Variants in HIPK4 observed in about 807,000 individuals in gnomAD.
The protein encoded by HIPK4 is homeodomain interacting protein kinase 4, also known as homeodomain-interacting protein kinase 4.
Under a neutral mutation model 44.8 loss-of-function variants are expected in HIPK4, and 26 were observed. The ratio of observed to expected loss-of-function variants is 0.58; its 90% CI spans 0.43 to 0.80. The LOEUF is 0.80. Among genes scored for constraint, HIPK4 ranks in the 30% least tolerant of loss-of-function variants. HIPK4 has a pLI of 0.00. For missense variants in HIPK4, 729 were observed against 862.6 expected (o/e 0.85, Z 1.94); for synonymous variants, 340 against 355.5 (o/e 0.96, Z 0.49).
At position 40,389,468 on chromosome 19, in the gene HIPK4, C is replaced by T; in HGVS notation, c.435G>A (p.Val145=). 4 of 1,600,222 alleles carry T rather than the reference C, an allele frequency of 2.5e-6. No individual in the cohort carries two copies. Among genetic ancestry groups the T allele is most frequent in the South Asian group, 1.1e-5 (1 of 89,336 alleles). ...CCCTGAAGGGGCAGCGGGTCTGGTC[C>T]ACCAGCATGATGTTCTCAGGCTTGA... ...ADLKPENIML[V]DQTRCPFRVK... is the part of the protein sequence containing the mutation. The change falls in exon 1 of 4, where the codon GTG becomes GTA. Residue 145 remains valine (V), a synonymous_variant. Coordinates refer to ENST00000291823, the MANE Select transcript of HIPK4 (RefSeq NM_144685.5). This position sits in a 1 kb window ranked among gnomAD's most constrained non-coding sequence, Gnocchi z 4.6.
intron 1 of HIPK4, 95 bp from the exon 2 acceptor site, chr19:40,384,234 C>T: frequency 1.1e-6 from 1 of 897,338 alleles, no homozygotes; most frequent in Non-Finnish European, 1.7e-6. Flanking sequence ...CATCTTCCTG[C>T]ATCTGCTATT....
rs1034023576 is a variant in HIPK4, at chr19:40,383,947, C to T, written c.658G>A (p.Glu220Lys). 1 of 1,614,142 alleles carries T rather than the reference C, an allele frequency of 6.2e-7. No homozygotes were observed. Among genetic ancestry groups the T allele is most frequent in the East Asian group, 2.2e-5 (1 of 44,872 alleles). The change falls in exon 2 of 4, where the codon GAG (glutamate) becomes AAG (lysine). Residue 220 changes from glutamate (E) to lysine (K), a missense_variant. Glu to Lys is a moderately conservative substitution (Grantham distance 56, BLOSUM62 1). Transcript: ENST00000291823. Reference protein sequence around the residue: ...LGWPLYPGNNEYDQVRYICET... With the variant: ...LGWPLYPGNNKYDQVRYICET... ...CAGATGTAGCGCACCTGGTCGTACTCGTTGTTGCCGGGGTAGAGAGGCCAG... is the reference window on the plus strand; with the variant it reads ...CAGATGTAGCGCACCTGGTCGTACTTGTTGTTGCCGGGGTAGAGAGGCCAG...
chr19:40,380,403 C>A lies in HIPK4; in HGVS notation c.1588G>T (p.Gly530Trp), dbSNP rs755442837. Residue 530 changes from glycine to tryptophan, a missense_variant, in exon 3 of 4, where the codon GGG (glycine) becomes TGG (tryptophan). Gly to Trp is a radical substitution (Grantham distance 184). Transcript: ENST00000291823. The surrounding 1 kb of genome is among the most constrained non-coding windows in gnomAD (Gnocchi z 4.2). ...ATGGCCAGTGGCTCAGCAGAGGCCC[C>A]GAGATGCTCTCCTTCCTCCCAGCTG... is the stretch of plus-strand genomic sequence containing the variant. ...GSSWEEGEHL[G>W]ASAEPLAILQ... 5 of 1,614,218 alleles carry A rather than the reference C, an allele frequency of 3.1e-6. No homozygotes were observed. The highest frequency in any genetic ancestry group is 4.2e-6 in the Non-Finnish European group (5 of 1,180,042).
Position 40,383,962 on chromosome 19 carries a change from A to T in HIPK4, c.643T>A (p.Tyr215Asn). The change falls in exon 2 of 4, where the codon TAC becomes AAC. Residue 215 changes from tyrosine to asparagine, a missense_variant. By Grantham distance (143) the Tyr-to-Asn change is moderately radical. Coordinates refer to ENST00000291823, the MANE Select transcript of HIPK4 (RefSeq NM_144685.5). Reference protein sequence around the residue: ...MAELHLGWPLYPGNNEYDQVR... With the variant: ...MAELHLGWPLNPGNNEYDQVR... ...TGGTCGTACTCGTTGTTGCCGGGGT[A>T]GAGAGGCCAGCCCAGGTGCAGCTCA... 6.2e-7 allele frequency: 1 copy of T among 1,614,162 alleles called. No homozygotes were observed. Among genetic ancestry groups the T allele is most frequent in the Non-Finnish European group, 8.5e-7 (1 of 1,180,022 alleles).
In HIPK4 at chr19:40,381,057, C is replaced by G; in HGVS notation, c.934G>C (p.Ala312Pro). The G allele has an allele frequency of 1.2e-6, 2 of 1,613,326 alleles. No individual in the cohort carries two copies. Among genetic ancestry groups the G allele is most frequent in the Non-Finnish European group, 1.7e-6 (2 of 1,180,016 alleles). ...RLTFPDREAL[A>P]EHADLKSMVE... Reference sequence around the variant, plus strand: ...ATGCTCTTGAGGTCGGCGTGCTCCGCCAGCGCCTCCCGGTCAGGGAAGGTT... The same window carrying G: ...ATGCTCTTGAGGTCGGCGTGCTCCGGCAGCGCCTCCCGGTCAGGGAAGGTT... Residue 312 changes from alanine to proline, a missense_variant, in exon 3 of 4, where the codon GCG (alanine) becomes CCG (proline). Ala to Pro is a conservative substitution (Grantham distance 27, BLOSUM62 -1). This residue lies in a region of HIPK4 where 533 missense variants were observed against 567.5 expected (regional missense o/e 0.94). Transcript: ENST00000291823.
chr19:40,383,221 T>TA, intron 2 of HIPK4, among the ~76,000 whole-genome samples: 1 of 150,182 alleles, frequency 6.7e-6, no homozygotes. Flanking sequence ...TAGCTGGAAT[T>TA]ACAGGCGTCT....
chr19:40,381,503 T>A (rs1313740101), intron 2 of HIPK4, among the ~76,000 whole-genome samples: 1 of 152,156 alleles, frequency 6.6e-6, no homozygotes, highest in Non-Finnish European at 1.5e-5. Flanking sequence ...CTGCCACAGC[T>A]CCACACTTGA....
intron 2 of HIPK4, among the ~76,000 whole-genome samples, chr19:40,382,825 A>G (rs2079343564): frequency 6.6e-6 from 1 of 151,526 alleles, no homozygotes; most frequent in African/African-American, 2.4e-5. Flanking sequence ...AGGTGGGTGG[A>G]TCACGAGGTC....
chr19:40,384,225 A>T, intron 1 of HIPK4, 86 bp from the exon 2 acceptor site: 1 of 917,078 alleles, frequency 1.1e-6, no homozygotes, highest in Admixed American at 2.3e-5. Flanking sequence ...TTCACCTGGC[A>T]TCTTCCTGCA....
rs758353813 is a variant in HIPK4 at position 40,389,767 on chromosome 19, C to T, written c.136G>A (p.Ala46Thr). ...TTCTTGATGATGCGGTTGCGGTAGG[C>T]GTCATTCTTGAGGATCTTGATGGCC... ...MVAIKILKND[A>T]YRNRIIKNEL... The change falls in exon 1 of 4, where the codon GCC becomes ACC. Residue 46 changes from alanine (A) to threonine (T), a missense_variant. Transcript: ENST00000291823. This position sits in a 1 kb window ranked among gnomAD's most constrained non-coding sequence, Gnocchi z 4.6. The T allele has an allele frequency of 8.7e-6, 14 of 1,614,052 alleles. No homozygotes were observed. The Middle Eastern group carries it at 4.9e-4, about 57-fold the overall frequency.
At chr19:40,384,880 G>A (rs1314244785) in intron 1 of HIPK4, among the ~76,000 whole-genome samples, 1 of 152,102 alleles carries the variant, frequency 6.6e-6, no homozygotes, top group Non-Finnish European at 1.5e-5. Context: ...CCTAAGTGCT[G>A]GAATTACAGG....
At chr19:40,385,995 G>C (rs866132150) in intron 1 of HIPK4, among the ~76,000 whole-genome samples, 9 of 151,368 alleles carry the variant, frequency 5.9e-5, no homozygotes, top group Non-Finnish European at 1.2e-4. Context: ...GTGAGCCACC[G>C]CACCCAGGTC....
Position 40,381,004 on chromosome 19 carries a change from G to A in HIPK4, c.987C>T (p.Thr329=). 1.9e-6 allele frequency: 3 copies of A among 1,613,430 alleles called. No homozygotes were observed. Among genetic ancestry groups the A allele is most frequent in the Non-Finnish European group, 2.5e-6 (3 of 1,180,040 alleles). ...SMVELIKRML[T]WESHERISPS... ...GGCTGATGCGTTCGTGTGACTCCCA[G>A]GTCAGCATGCGCTTGATCAGCTCCA... Residue 329 remains threonine (T), a synonymous_variant, in exon 3 of 4, where the codon ACC becomes ACT. Coordinates refer to ENST00000291823, the MANE Select transcript of HIPK4 (RefSeq NM_144685.5).
intron 2 of HIPK4, 121 bp from the exon 3 acceptor site, chr19:40,381,289 A>C: frequency 1.2e-6 from 1 of 827,786 alleles, no homozygotes; most frequent in South Asian, 1.7e-5. Context: ...TCTGCCTTGG[A>C]GCTCTCTGGC....
rs75693631 is a variant in HIPK4 at position 40,380,797 on chromosome 19, C to G, written c.1194G>C (p.Glu398Asp). 497 of 1,614,114 alleles carry G rather than the reference C, an allele frequency of 3.1e-4. 2 individuals carry two copies. In the African/African-American group the frequency reaches 6.3e-3, roughly 21 times the overall value. The change falls in exon 3 of 4, where the codon GAG becomes GAC. Residue 398 changes from glutamate to aspartate, a missense_variant. Transcript: ENST00000291823. This position sits in a 1 kb window ranked among gnomAD's most constrained non-coding sequence, Gnocchi z 4.2. Reference sequence around the variant, plus strand: ...CACTGCCCATACCCGCAGCCTCCTTCTCCTCAGCCAGACAGTAGTAGGGGG... The same window carrying G: ...CACTGCCCATACCCGCAGCCTCCTTGTCCTCAGCCAGACAGTAGTAGGGGG... ...DGTPYYCLAE[E>D]KEAAGMGSVA...
At chr19:40,388,509 C>T (rs957235144) in intron 1 of HIPK4, among the ~76,000 whole-genome samples, 7 of 152,238 alleles carry the variant, frequency 4.6e-5, no homozygotes, top group East Asian at 3.9e-4. Context: ...GCTGTGGATC[C>T]GTCCTGTCTG....
Position 40,379,526 on chromosome 19 carries a change from T to A in HIPK4, c.*61A>T. ...GATGGCTCTGAGGAGCAGTTCAGGTTGGGAGGGAATGCCAGCCCAGCTAGC... is the reference window on the plus strand; with the variant it reads ...GATGGCTCTGAGGAGCAGTTCAGGTAGGGAGGGAATGCCAGCCCAGCTAGC... On this transcript the variant is annotated 3_prime_UTR_variant, in exon 4 of 4. Transcript: ENST00000291823. 2 of 1,350,642 alleles carry A rather than the reference T, an allele frequency of 1.5e-6. No individual in the cohort carries two copies. The highest frequency in any genetic ancestry group is 1.5e-5 in the South Asian group (1 of 67,082). 83.7% of individuals were successfully genotyped at this position (1,350,642 alleles called of 1,614,324 possible).
intron 1 of HIPK4, among the ~76,000 whole-genome samples, chr19:40,388,013 G>GTTTT (rs71171566): frequency 1.3e-4 from 15 of 113,018 alleles, no homozygotes; most frequent in Admixed American, 1.3e-3. Flanking sequence ...TTTTAGTTTA[G>GTTTT]TTTTTTTTTT....
Position 40,379,783 on chromosome 19 carries a change from G to T in HIPK4, c.1669-14C>A, listed in dbSNP as rs1334917937. 1 of 1,604,394 alleles carries T rather than the reference G, an allele frequency of 6.2e-7. No homozygotes were observed. Among genetic ancestry groups the T allele is most frequent in the African/African-American group, 1.3e-5 (1 of 74,552 alleles). On this transcript the variant is annotated splice_polypyrimidine_tract_variant and intron_variant, in intron 3 of 3. Coordinates refer to ENST00000291823, the MANE Select transcript of HIPK4 (RefSeq NM_144685.5). The stretch of plus-strand genomic sequence containing the variant: ...AGGGTCTGGCCTCTGTGGGGGAAGA[G>T]AGAGGGGCATCAGCCAAGCAGTGTT...
Sources: allele counts gnomAD v4.1 joint callset (sites outside exome capture counted in the v4.1 genomes callset), GRCh38; gene constraint gnomAD v4.1.1; regional missense constraint gnomAD v4.1.1; non-coding constraint Gnocchi (gnomAD v3.1); transcripts MANE v1.5; gene names NCBI Gene and HGNC (gene_info 2026-07-23, HGNC 2026-07-21).